LOC122513141: variants seen among roughly 807,000 people sequenced by gnomAD.
the LOC122513141 span, chr9:137,218,518 T>C: frequency 5.0e-6 from 2 of 400,886 alleles, no homozygotes; most frequent in East Asian, 7.1e-5. Flanking sequence ...TGCTGGCCCT[T>C]GAGCTTCTGG....
At chr9:137,217,666 C>A in the LOC122513141 span, 1 of 266,384 alleles carries the variant, frequency 3.8e-6, no homozygotes, top group Non-Finnish European at 7.0e-6. Flanking sequence ...AGTCCACTTC[C>A]AGTGAGGAGA....
the LOC122513141 span, chr9:137,218,357 C>T: frequency 5.0e-6 from 2 of 398,372 alleles, no homozygotes; most frequent in Non-Finnish European, 4.4e-6. Flanking sequence ...CTGGGGCTCC[C>T]TGGAGCACCG....
At chr9:137,218,004 G>T in the LOC122513141 span, 5 of 399,126 alleles carry the variant, frequency 1.3e-5, no homozygotes, top group Non-Finnish European at 2.2e-5. Flanking sequence ...GCCATGGAGG[G>T]TGCCTGGGCC....
At chr9:137,218,654 C>A in the LOC122513141 span, 1 of 398,542 alleles carries the variant, frequency 2.5e-6, no homozygotes, top group East Asian at 3.6e-5. Context: ...CCAGACTGGC[C>A]CACGTCCCCA....
At chr9:137,217,875 C>T in the LOC122513141 span, 3 of 398,102 alleles carry the variant, frequency 7.5e-6, no homozygotes, top group South Asian at 2.8e-4. Flanking sequence ...CCACCTGGGT[C>T]CTCTCTGGGC....
chr9:137,218,414 C>G, the LOC122513141 span: 41 of 398,162 alleles, frequency 1.0e-4, no homozygotes, highest in Non-Finnish European at 1.6e-4. Context: ...CCGGGGCTGC[C>G]TGCCCTTCCT....
the LOC122513141 span, chr9:137,218,150 G>C: frequency 5.5e-5 from 22 of 398,360 alleles, no homozygotes; most frequent in Non-Finnish European, 9.3e-5. Context: ...CGGCCTGTGT[G>C]TGGGCTGCCT....
At chr9:137,218,869 G>A in the LOC122513141 span, 4 of 379,554 alleles carry the variant, frequency 1.1e-5, no homozygotes, top group Non-Finnish European at 1.9e-5. Flanking sequence ...GCTCCTGGAG[G>A]AGGCCAGCCC....
chr9:137,218,276 C>G, the LOC122513141 span: 1 of 398,356 alleles, frequency 2.5e-6, no homozygotes, highest in East Asian at 3.6e-5. Flanking sequence ...GGAGGAGCTG[C>G]TACAGGCCGA....
chr9:137,218,043 A>G, the LOC122513141 span: 3 of 399,450 alleles, frequency 7.5e-6, no homozygotes, highest in African/African-American at 2.1e-5. Flanking sequence ...GAGGGGAGAG[A>G]GCAGGCAGCA....
chr9:137,218,728 G>A, the LOC122513141 span: 2 of 397,522 alleles, frequency 5.0e-6, no homozygotes, highest in Non-Finnish European at 4.4e-6. Flanking sequence ...CCAGGGCAGT[G>A]GCCTTCAATC....
At chr9:137,217,783 C>T in the LOC122513141 span, 1 of 395,318 alleles carries the variant, frequency 2.5e-6, no homozygotes, top group Non-Finnish European at 4.5e-6. Context: ...ATCCTGACTC[C>T]TGCCCCAGGG....
chr9:137,218,416 GC>G, the LOC122513141 span: 1 of 398,414 alleles, frequency 2.5e-6, no homozygotes, highest in Non-Finnish European at 4.4e-6. Flanking sequence ...GGGGCTGCCT[GC>G]CCTTCCTGCC....
the LOC122513141 span, chr9:137,218,018 C>G: frequency 2.5e-6 from 1 of 399,332 alleles, no homozygotes; most frequent in Non-Finnish European, 4.4e-6. Context: ...CTGGGCCCTT[C>G]CAACCTGGAA....
the LOC122513141 span, chr9:137,218,240 C>G: frequency 2.5e-6 from 1 of 398,406 alleles, no homozygotes; most frequent in Non-Finnish European, 4.4e-6. Flanking sequence ...GACGCCCGTG[C>G]TGGAATGGGA....
At chr9:137,218,598 G>A in the LOC122513141 span, 110 of 398,802 alleles carry the variant, frequency 2.8e-4, no homozygotes, top group Middle Eastern at 6.3e-4. Flanking sequence ...CGCTCTGGCC[G>A]CTGAGCAGAG....
At chr9:137,217,764 T>G in the LOC122513141 span, 1 of 388,482 alleles carries the variant, frequency 2.6e-6, no homozygotes, top group Non-Finnish European at 4.5e-6. Flanking sequence ...CTGGGGTCCC[T>G]GTCCTCCTAT....
At chr9:137,218,730 C>T in the LOC122513141 span, 1 of 397,490 alleles carries the variant, frequency 2.5e-6, no homozygotes, top group Non-Finnish European at 4.4e-6. Flanking sequence ...AGGGCAGTGG[C>T]CTTCAATCAA....
the LOC122513141 span, chr9:137,218,508 T>TG: frequency 2.5e-6 from 1 of 400,378 alleles, no homozygotes; most frequent in Non-Finnish European, 4.4e-6. Context: ...CTGCTGAGCC[T>TG]GCTGGCCCTT....
Sources: allele counts gnomAD v4.1 joint callset, GRCh38; gene constraint gnomAD v4.1.1; transcripts MANE v1.5.